Variants in SMC4 observed in about 807,000 individuals in gnomAD.
SMC4 encodes the protein structural maintenance of chromosomes protein 4.
A neutral mutation model predicts 145.6 loss-of-function variants in SMC4; 87 were observed. The observed-to-expected ratio is 0.60, with a 90% CI of 0.50 to 0.71. SMC4 has a LOEUF of 0.71. SMC4 is among the 30% of genes least tolerant of loss of function. SMC4 has a pLI of 0.00. For synonymous variants in SMC4, 558 were observed against 500.7 expected (o/e 1.11, Z -1.53); for missense variants, 1,447 against 1,537.1 (o/e 0.94, Z 0.98).
intron 5 of SMC4, 125 bp downstream of exon 5, chr3:160,404,629 T>C (rs760304976): frequency 1.2e-6 from 1 of 868,340 alleles, no homozygotes; most frequent in Non-Finnish European, 2.0e-6. Context: ...ATGGTTTACA[T>C]GCTACAGTCA....
chr3:160,428,017 A>G (rs1717987916), intron 17 of SMC4, among the ~76,000 whole-genome samples: 3 of 152,130 alleles, frequency 2.0e-5, no homozygotes, highest in South Asian at 4.1e-4. Flanking sequence ...AAGCTGAACC[A>G]CGAGAATGGC....
intron 12 of SMC4, 98 bp from the exon 13 acceptor site, chr3:160,420,642 A>T: frequency 8.0e-7 from 1 of 1,257,288 alleles, no homozygotes; most frequent in African/African-American, 1.5e-5. Context: ...ATGTCTACAT[A>T]AAGTTTTTCA....
Position 160,428,755 on chromosome 3 carries a change from T to A in SMC4, c.2608T>A (p.Tyr870Asn). Residue 870 changes from tyrosine to asparagine, a missense_variant and splice_region_variant, in exon 18 of 24, where the codon TAT becomes AAT. Coordinates refer to ENST00000357388, the MANE Select transcript of SMC4 (RefSeq NM_001002800.3). ...GGTTCTTTATTTTTTAATTTCAGAA[T>A]ATGATGCTGTGGCTGAGAAAGCTGG... ...EENVSAFKTE[Y>N]DAVAEKAGKV... 6.3e-7 allele frequency: 1 copy of A among 1,576,040 alleles called. No individual in the cohort carries two copies. Among genetic ancestry groups the A allele is most frequent in the Non-Finnish European group, 8.5e-7 (1 of 1,170,436 alleles).
intron 9 of SMC4, among the ~76,000 whole-genome samples, chr3:160,415,549 ATT>A (rs1429080803): frequency 6.6e-6 from 1 of 152,254 alleles, no homozygotes; most frequent in Non-Finnish European, 1.5e-5. Context: ...TTCTAAATGT[ATT>A]TGTTCACAAA....
chr3:160,401,866 C>G (rs756798425), intron 2 of SMC4, 49 bp from the exon 3 acceptor site: 21 of 1,487,144 alleles, frequency 1.4e-5, no homozygotes, highest in Non-Finnish European at 1.9e-5. Context: ...CTAATGTAGG[C>G]TTTTCCCCCG....
intron 13 of SMC4, 46 bp from the exon 14 acceptor site, chr3:160,423,379 T>G: frequency 1.7e-6 from 2 of 1,184,310 alleles, no homozygotes; most frequent in Non-Finnish European, 1.2e-6. Context: ...TTGAGTTTTC[T>G]TTTTTGTTAA....
rs1348399284 is a variant in SMC4, at chr3:160,401,948, T to C, written c.173T>C (p.Leu58Ser). Reference sequence around the variant, plus strand: ...AGTGAGGAACTTGATAATAGAAGTTTAGAAGAGATTTTGAACAGCATTCCT... The same window carrying C: ...AGTGAGGAACTTGATAATAGAAGTTCAGAAGAGATTTTGAACAGCATTCCT... ...TASEELDNRS[L>S]EEILNSIPPP... The change falls in exon 3 of 24, where the codon TTA becomes TCA. Residue 58 changes from leucine to serine, a missense_variant. Physicochemically the swap from Leu to Ser is moderately radical, Grantham distance 145. Transcript: ENST00000357388. 6.2e-7 allele frequency: 1 copy of C among 1,605,488 alleles called. No individual in the cohort carries two copies.
intron 7 of SMC4, among the ~76,000 whole-genome samples, 198 bp from the exon 8 acceptor site, chr3:160,413,275 C>T (rs1415653006): frequency 6.6e-6 from 1 of 152,060 alleles, no homozygotes; most frequent in Non-Finnish European, 1.5e-5. Flanking sequence ...TCGGCCACCA[C>T]ATTGGTACAA....
rs1320258171 is a variant in SMC4, at chr3:160,432,435, C to T, written c.3450C>T (p.Tyr1150=). 9 of 1,612,930 alleles carry T rather than the reference C, an allele frequency of 5.6e-6. No homozygotes were observed. The Admixed American group carries it at 1.3e-4, about 24-fold the overall frequency. ...YIITNKLKEN[Y]QMLTLGGDAE... The stretch of plus-strand genomic sequence containing the variant: ...TAACAAATAAATTAAAGGAAAATTA[C>T]CAAATGCTTACTTTGGGAGGGGACG... Residue 1150 remains tyrosine (Y), a synonymous_variant, in exon 22 of 24, where the codon TAC becomes TAT. Coordinates refer to ENST00000357388, the MANE Select transcript of SMC4 (RefSeq NM_001002800.3).
chr3:160,421,001 C>T, intron 13 of SMC4, 100 bp downstream of exon 13: 2 of 968,912 alleles, frequency 2.1e-6, no homozygotes, highest in Non-Finnish European at 2.9e-6. Flanking sequence ...ATGATCTTGG[C>T]TCACTGCAAG....
intron 4 of SMC4, among the ~76,000 whole-genome samples, chr3:160,403,594 G>C (rs1714960199): frequency 6.6e-6 from 1 of 151,922 alleles, no homozygotes; most frequent in African/African-American, 2.4e-5. Context: ...TAATTACACA[G>C]AATCATCTAT....
chr3:160,408,498 T>A (rs1472281638), intron 5 of SMC4, among the ~76,000 whole-genome samples: 1 of 152,242 alleles, frequency 6.6e-6, no homozygotes, highest in Non-Finnish European at 1.5e-5. Flanking sequence ...TGGGAACATA[T>A]GAAACTTTGT....
chr3:160,408,670 A>T (rs1435014573), intron 5 of SMC4, among the ~76,000 whole-genome samples: 1 of 152,234 alleles, frequency 6.6e-6, no homozygotes, highest in African/African-American at 2.4e-5. Context: ...CTAAATTAAA[A>T]CTATATTCTG....
At chr3:160,420,548 G>T in intron 12 of SMC4, 192 bp from the exon 13 acceptor site, 1 of 474,090 alleles carries the variant, frequency 2.1e-6, no homozygotes, top group Non-Finnish European at 3.6e-6. Context: ...TTCATTTTGT[G>T]CTCATTAGAA....
In SMC4 at chr3:160,433,775, A is replaced by T; in HGVS notation, c.3833A>T (p.Asn1278Ile). Reference protein sequence around the residue: ...TYNITKSVAVNPKEIASKGLC With the variant: ...TYNITKSVAVIPKEIASKGLC The stretch of plus-strand genomic sequence containing the variant: ...AACATAACAAAAAGTGTTGCTGTAA[A>T]TCCAAAAGAAATTGCATCTAAGGGA... The change falls in exon 24 of 24, where the codon AAT becomes ATT. Residue 1278 changes from asparagine (N) to isoleucine (I), a missense_variant. By Grantham distance (149) the Asn-to-Ile change is moderately radical (BLOSUM62 -3). Transcript: ENST00000357388. 6.2e-7 allele frequency: 1 copy of T among 1,605,318 alleles called. No homozygotes were observed. The highest frequency in any genetic ancestry group is 8.5e-7 in the Non-Finnish European group (1 of 1,177,112).
intron 13 of SMC4, among the ~76,000 whole-genome samples, chr3:160,422,488 T>G (rs2108488261): frequency 6.6e-6 from 1 of 152,344 alleles, no homozygotes; most frequent in African/African-American, 2.4e-5. Context: ...TTTGTTATCT[T>G]CCTTGGAGAA....
intron 17 of SMC4, among the ~76,000 whole-genome samples, chr3:160,426,629 A>G (rs1436403212): frequency 6.6e-6 from 1 of 151,972 alleles, no homozygotes; most frequent in Non-Finnish European, 1.5e-5. Context: ...TTTCTTTCAT[A>G]ACTTCTTCTT....
intron 21 of SMC4, 72 bp from the exon 22 acceptor site, chr3:160,432,211 T>G: frequency 8.3e-7 from 1 of 1,203,616 alleles, no homozygotes; most frequent in Non-Finnish European, 1.2e-6. Flanking sequence ...CAAAACAAAG[T>G]AATAATTAAC....
chr3:160,414,079 C>A, intron 8 of SMC4: 1 of 429,264 alleles, frequency 2.3e-6, no homozygotes, highest in Admixed American at 3.9e-5. Flanking sequence ...AAGGTAAAAC[C>A]AAAATTTTAC....
Sources: allele counts gnomAD v4.1 joint callset (sites outside exome capture counted in the v4.1 genomes callset), GRCh38; gene constraint gnomAD v4.1.1; transcripts MANE v1.5; gene names NCBI Gene and HGNC (gene_info 2026-07-23, HGNC 2026-07-21).